PHACTR4: variants seen among roughly 807,000 people sequenced by gnomAD.
PHACTR4 encodes the protein protein phosphatase 1, regulatory subunit 124.
PHACTR4 carries 51 observed loss-of-function variants against 72.7 expected under a neutral mutation model. The observed-to-expected ratio is 0.70, with a 90% confidence interval of 0.56 to 0.89. PHACTR4 has a LOEUF of 0.89. Ranked by LOEUF, PHACTR4 falls within the 40% of genes least tolerant of loss-of-function variation. PHACTR4 has a pLI of 0.00. For synonymous variants in PHACTR4, 255 were observed against 302.5 expected (o/e 0.84, Z 1.63); for missense variants, 731 against 861.8 (o/e 0.85, Z 1.90).
chr1:28,378,927 GTTTA>G (rs1326233032), intron 1 of PHACTR4, among the ~76,000 whole-genome samples: 4 of 151,964 alleles, frequency 2.6e-5, no homozygotes, highest in Non-Finnish European at 4.4e-5. Context: ...ACTGATCTAG[GTTTA>G]TTTATTTTTA....
intron 1 of PHACTR4, among the ~76,000 whole-genome samples, chr1:28,375,003 C>T (rs1046237153): frequency 1.7e-4 from 26 of 152,094 alleles, no homozygotes; most frequent in Non-Finnish European, 3.7e-4. Context: ...ATTTTTACTA[C>T]TATTAGAAGA....
At chr1:28,444,931 A>G (rs1183265886) in intron 2 of PHACTR4, among the ~76,000 whole-genome samples, 1 of 140,026 alleles carries the variant, frequency 7.1e-6, no homozygotes, top group African/African-American at 2.6e-5. Flanking sequence ...CCAGCCTCCC[A>G]TTTTTATATT....
intron 2 of PHACTR4, chr1:28,457,443 TG>T: frequency 3.1e-6 from 1 of 320,354 alleles, no homozygotes; most frequent in South Asian, 2.5e-5. Context: ...AAAACAAAAT[TG>T]TTTTTGTAAT....
chr1:28,435,961 A>G (rs889024396), intron 2 of PHACTR4, among the ~76,000 whole-genome samples: 4 of 152,168 alleles, frequency 2.6e-5, no homozygotes, highest in African/African-American at 7.2e-5. Flanking sequence ...TCCTGTTTTA[A>G]TGGTCAACAT....
intron 1 of PHACTR4, among the ~76,000 whole-genome samples, chr1:28,403,393 T>A (rs1447491953): frequency 6.6e-6 from 1 of 152,102 alleles, no homozygotes; most frequent in Non-Finnish European, 1.5e-5. Flanking sequence ...GTTGTGACCT[T>A]CCTTGAGTCA....
intron 6 of PHACTR4, among the ~76,000 whole-genome samples, chr1:28,473,104 G>T (rs1031427993): frequency 1.3e-5 from 2 of 151,130 alleles, no homozygotes; most frequent in Non-Finnish European, 3.0e-5. Context: ...GTGAAAGCCC[G>T]CCTCTACTAA....
chr1:28,443,637 C>T (rs182696591), intron 2 of PHACTR4, among the ~76,000 whole-genome samples: 75 of 151,734 alleles, frequency 4.9e-4, no homozygotes, highest in African/African-American at 1.6e-3. Flanking sequence ...TTTGACGAAA[C>T]GAGGTCTCAC....
At chr1:28,432,508 G>A (rs748554895) in intron 2 of PHACTR4, among the ~76,000 whole-genome samples, 5 of 151,862 alleles carry the variant, frequency 3.3e-5, no homozygotes, top group Admixed American at 1.3e-4. Context: ...AGCTGGGTGG[G>A]TGGCACATGC....
chr1:28,447,395 CTT>C (rs970088054), intron 2 of PHACTR4, among the ~76,000 whole-genome samples: 23 of 132,710 alleles, frequency 1.7e-4, no homozygotes, highest in Admixed American at 2.3e-4. Context: ...TTTCTTTTTT[CTT>C]TTTTTTTTTT....
intron 2 of PHACTR4, among the ~76,000 whole-genome samples, chr1:28,414,723 G>C (rs571229824): frequency 6.6e-6 from 1 of 151,918 alleles, no homozygotes; most frequent in African/African-American, 2.4e-5. Context: ...TGCCTTTTGC[G>C]ACCCCTTTCC....
intron 2 of PHACTR4, chr1:28,438,349 A>G: frequency 6.2e-7 from 1 of 1,602,174 alleles, no homozygotes; most frequent in Non-Finnish European, 8.5e-7. Context: ...TGTCCGGGAC[A>G]GTTTGTTGTC....
intron 1 of PHACTR4, among the ~76,000 whole-genome samples, chr1:28,383,781 G>T (rs933947954): frequency 2.0e-5 from 3 of 152,140 alleles, no homozygotes; most frequent in African/African-American, 7.2e-5. Context: ...TGGATACAGG[G>T]TCATGTTGTC....
At chr1:28,378,394 C>T (rs1005358119) in intron 1 of PHACTR4, among the ~76,000 whole-genome samples, 3 of 149,952 alleles carry the variant, frequency 2.0e-5, no homozygotes, top group Non-Finnish European at 4.4e-5. Context: ...ATCCCAGCTA[C>T]TCAGGAGGCT....
intron 2 of PHACTR4, among the ~76,000 whole-genome samples, chr1:28,421,048 T>G (rs1210927506): frequency 6.6e-6 from 1 of 152,202 alleles, no homozygotes. Context: ...TATGTTCTTT[T>G]CTGTTGAACA....
At chr1:28,406,242 T>C (rs1490711905) in intron 1 of PHACTR4, among the ~76,000 whole-genome samples, 1 of 152,206 alleles carries the variant, frequency 6.6e-6, no homozygotes, top group Non-Finnish European at 1.5e-5. Flanking sequence ...GTTTATCATA[T>C]GGTCATGTTC....
intron 6 of PHACTR4, among the ~76,000 whole-genome samples, chr1:28,469,134 C>G (rs145999384): frequency 6.6e-6 from 1 of 152,244 alleles, no homozygotes; most frequent in East Asian, 1.9e-4. Context: ...TACAACCTTC[C>G]TAATCCTTTG....
chr1:28,491,662 C>T lies in PHACTR4; in HGVS notation c.1891C>T (p.Pro631Ser), dbSNP rs1355624183. The T allele has an allele frequency of 6.2e-7, 1 of 1,613,914 alleles. No homozygotes were observed. The highest frequency in any genetic ancestry group is 8.5e-7 in the Non-Finnish European group (1 of 1,179,884). Residue 631 changes from proline to serine, a missense_variant, in exon 12 of 14, where the codon CCA becomes TCA. By Grantham distance (74) the Pro-to-Ser change is moderately conservative. This residue lies in a region of PHACTR4 where 110 missense variants were observed against 185.2 expected (regional missense o/e 0.59). Coordinates refer to ENST00000373839, the MANE Select transcript of PHACTR4 (RefSeq NM_001048183.3). ...CCGTTTCCTTCAGCTCAGTCAAAGG[C>T]CAACTGTCGCTGAACTCCTTGCCAG... ...RRLTRKLSQR[P>S]TVAELLARKI...
intron 2 of PHACTR4, among the ~76,000 whole-genome samples, chr1:28,451,389 ATT>A (rs765097635): frequency 7.0e-6 from 1 of 143,554 alleles, no homozygotes; most frequent in Non-Finnish European, 1.5e-5. Flanking sequence ...TTGTAGCAGG[ATT>A]TTTTTTTTTT....
At chr1:28,460,322 G>T in intron 4 of PHACTR4, 30 bp downstream of exon 4, 4 of 1,463,038 alleles carry the variant, frequency 2.7e-6, no homozygotes, top group Non-Finnish European at 3.8e-6. Context: ...GCATATGCCT[G>T]TCTCTGTGCA....
Sources: gnomAD v4.1 joint callset for allele counts (sites outside exome capture counted in the v4.1 genomes callset) on GRCh38, gnomAD v4.1.1 for gene constraint, gnomAD v4.1.1 regional missense constraint, MANE v1.5 for transcripts, NCBI Gene and HGNC (gene_info 2026-07-23, HGNC 2026-07-21) for gene names.